The following KCNH5 variants were observed in gnomAD, a reference collection of about 807,000 sequenced individuals.
The protein encoded by KCNH5 is voltage-gated delayed rectifier potassium channel KCNH5.
A neutral mutation model predicts 96.1 loss-of-function variants in KCNH5; 46 were observed. The ratio of observed to expected loss-of-function variants is 0.48; its 90% CI spans 0.38 to 0.61. The LOEUF (loss-of-function observed/expected upper bound fraction) is 0.61, where lower values mean the gene tolerates loss of function less well. Ranked by LOEUF, KCNH5 falls within the 20% of genes least tolerant of loss-of-function variation. The probability of loss-of-function intolerance (pLI) is 0.00; values close to 1 mark genes in which losing one functional copy is unlikely to be tolerated. For synonymous variants in KCNH5, 439 were observed against 449.8 expected, an observed-to-expected ratio of 0.98 and a Z score of 0.30; for missense variants, 907 against 1,225.8, an observed-to-expected ratio of 0.74 and a Z score of 3.88.
At chr14:62,902,193 C>T (rs1385099782) in intron 7 of KCNH5, among the ~76,000 whole-genome samples, 3 of 150,824 alleles carry the variant, frequency 2.0e-5, no homozygotes, top group Non-Finnish European at 4.4e-5. Context: ...GTTTCTTTTG[C>T]TATGCATAAC....
chr14:62,879,624 T>G (rs1888452344), intron 7 of KCNH5, among the ~76,000 whole-genome samples: 1 of 152,168 alleles, frequency 6.6e-6, no homozygotes, highest in African/African-American at 2.4e-5. Context: ...TCCAAAAAAC[T>G]TGTGCCAATT....
chr14:62,760,660 G>C (rs1246874777), intron 10 of KCNH5, among the ~76,000 whole-genome samples: 1 of 152,202 alleles, frequency 6.6e-6, no homozygotes, highest in Non-Finnish European at 1.5e-5. Context: ...AGAGAGAAGA[G>C]ACAGAAAATG....
At chr14:62,969,328 A>G (rs1394758239) in intron 6 of KCNH5, among the ~76,000 whole-genome samples, 1 of 152,220 alleles carries the variant, frequency 6.6e-6, no homozygotes, top group Non-Finnish European at 1.5e-5. Context: ...TCTAAAATCA[A>G]TAATCTATAC....
At chr14:63,023,193 ACTAC>A (rs1891462049) in intron 1 of KCNH5, among the ~76,000 whole-genome samples, 1 of 151,018 alleles carries the variant, frequency 6.6e-6, no homozygotes, top group South Asian at 2.1e-4. Context: ...ACAGAGCAAG[ACTAC>A]ATCTCAAAAA....
intron 7 of KCNH5, among the ~76,000 whole-genome samples, chr14:62,889,149 G>A (rs1276046300): frequency 6.6e-6 from 1 of 152,186 alleles, no homozygotes; most frequent in Non-Finnish European, 1.5e-5. Context: ...GGTGATATAA[G>A]TTATGTACCT....
At chr14:62,927,179 T>A (rs911489178) in intron 7 of KCNH5, among the ~76,000 whole-genome samples, 82 of 152,098 alleles carry the variant, frequency 5.4e-4, no homozygotes, top group African/African-American at 1.8e-3. Context: ...GAAATGCAAA[T>A]CAAAACTACA....
intron 6 of KCNH5, among the ~76,000 whole-genome samples, chr14:62,951,807 T>G (rs1168020394): frequency 6.6e-6 from 1 of 151,270 alleles, no homozygotes; most frequent in African/African-American, 2.4e-5. Context: ...CTAAAAAAAC[T>G]CAAAAATTAG....
intron 10 of KCNH5, among the ~76,000 whole-genome samples, chr14:62,737,096 C>T (rs1885174542): frequency 1.3e-5 from 2 of 152,174 alleles, no homozygotes; most frequent in East Asian, 1.9e-4. Flanking sequence ...AATTATCCTA[C>T]ATACAATTGC....
intron 9 of KCNH5, among the ~76,000 whole-genome samples, chr14:62,793,348 A>T (rs1256036395): frequency 1.3e-5 from 2 of 151,798 alleles, no homozygotes; most frequent in Non-Finnish European, 3.0e-5. Flanking sequence ...GAGTTTTAGG[A>T]TGTGTCTATT....
rs182999374 is a variant in KCNH5 at position 62,933,725 on chromosome 14, A to T, written c.1369+16408T>A. ...AAGGAATTTCCATTTTTCAAAATAAACCTTATAGCGCTATTTGGTTCTTTA... is the reference window on the plus strand; with the variant it reads ...AAGGAATTTCCATTTTTCAAAATAATCCTTATAGCGCTATTTGGTTCTTTA... On this transcript the variant is annotated intron_variant, in intron 7 of 10. Coordinates refer to ENST00000322893, the MANE Select transcript of KCNH5 (RefSeq NM_139318.5). 2.0e-3 allele frequency among the ~76,000 whole-genome samples: 297 copies of T among 152,188 alleles called. 1 individual carries two copies. The highest frequency in any genetic ancestry group is 6.9e-3 in the African/African-American group (287 of 41,528).
At chr14:62,848,918 C>T (rs1177882595) in intron 8 of KCNH5, among the ~76,000 whole-genome samples, 1 of 152,186 alleles carries the variant, frequency 6.6e-6, no homozygotes, top group Non-Finnish European at 1.5e-5. Context: ...ACTCTGTGTA[C>T]AAGCTTTATT....
intron 10 of KCNH5, among the ~76,000 whole-genome samples, chr14:62,769,178 A>C (rs1885931555): frequency 6.6e-6 from 1 of 152,220 alleles, no homozygotes; most frequent in South Asian, 2.1e-4. Context: ...CACTTGTCTT[A>C]CAGTGTTGAT....
chr14:62,909,464 C>A (rs1179178961), intron 7 of KCNH5, among the ~76,000 whole-genome samples: 2 of 152,258 alleles, frequency 1.3e-5, no homozygotes, highest in East Asian at 3.9e-4. Context: ...ATTAGCAAAT[C>A]AAATCTAGCT....
intron 10 of KCNH5, among the ~76,000 whole-genome samples, chr14:62,717,771 C>G (rs1176864457): frequency 6.6e-6 from 1 of 152,130 alleles, no homozygotes; most frequent in African/African-American, 2.4e-5. Context: ...CTCAAGGCAG[C>G]AAAGAACAAA....
At chr14:63,036,807 C>A (rs1478741813) in intron 1 of KCNH5, among the ~76,000 whole-genome samples, 1 of 152,096 alleles carries the variant, frequency 6.6e-6, no homozygotes, top group African/African-American at 2.4e-5. Flanking sequence ...GTAGAAAGGG[C>A]AGCAGGGCTT....
chr14:62,940,004 C>A (rs1228473834), intron 7 of KCNH5, among the ~76,000 whole-genome samples: 2 of 152,096 alleles, frequency 1.3e-5, no homozygotes, highest in Non-Finnish European at 1.5e-5. Flanking sequence ...AATAACTCTG[C>A]AAAGTAGAGA....
intron 8 of KCNH5, among the ~76,000 whole-genome samples, chr14:62,811,610 G>C (rs1886874597): frequency 6.6e-6 from 1 of 152,100 alleles, no homozygotes; most frequent in Non-Finnish European, 1.5e-5. Context: ...AGTAAGAGGT[G>C]TTGTAATTTG....
At chr14:62,769,189 T>C (rs546426430) in intron 10 of KCNH5, among the ~76,000 whole-genome samples, 1 of 152,374 alleles carries the variant, frequency 6.6e-6, no homozygotes, top group South Asian at 2.1e-4. Flanking sequence ...CAGTGTTGAT[T>C]TCAAGCTCAA....
intron 1 of KCNH5, among the ~76,000 whole-genome samples, chr14:63,022,339 G>A (rs7160761): frequency 0.29 from 43,612 of 151,864 alleles, 7,448 homozygotes; most frequent in East Asian, 0.57. Context: ...CCCAACTCCA[G>A]CCCTCTATCA....
Sources: allele counts gnomAD v4.1 joint callset (sites outside exome capture counted in the v4.1 genomes callset), GRCh38; gene constraint gnomAD v4.1.1; transcripts MANE v1.5; gene names NCBI Gene and HGNC (gene_info 2026-07-23, HGNC 2026-07-21).